The following NKAIN2 variants were observed in gnomAD, a reference collection of about 807,000 sequenced individuals.
NKAIN2 encodes the protein sodium/potassium-transporting ATPase subunit beta-1-interacting protein 2.
In NKAIN2, 14 loss-of-function variants were observed where a neutral mutation model predicts 32.6. That is an observed-to-expected ratio of 0.43 (90% confidence interval 0.28 to 0.67). NKAIN2 has a LOEUF of 0.67. Among genes scored for constraint, NKAIN2 ranks in the 30% least tolerant of loss-of-function variants. NKAIN2 has a pLI of 0.17. For synonymous variants in NKAIN2, 80 were observed against 87.2 expected (o/e 0.92, Z 0.46); for missense variants, 198 against 258.3 (o/e 0.77, Z 1.60).
chr6:124,354,692 A>G (rs1011771940), intron 2 of NKAIN2, among the ~76,000 whole-genome samples: 8 of 152,154 alleles, frequency 5.3e-5, no homozygotes, highest in Non-Finnish European at 1.0e-4. Context: ...TATCAGACAT[A>G]TATGTTAGAG....
At chr6:124,693,944 A>G (rs962148706) in intron 4 of NKAIN2, among the ~76,000 whole-genome samples, 1 of 152,206 alleles carries the variant, frequency 6.6e-6, no homozygotes, top group African/African-American at 2.4e-5. Context: ...ACTTGCTTGT[A>G]AACTGTAAGA....
At chr6:124,731,335 G>C (rs1776655105) in intron 4 of NKAIN2, among the ~76,000 whole-genome samples, 1 of 151,614 alleles carries the variant, frequency 6.6e-6, no homozygotes, top group African/African-American at 2.4e-5. Flanking sequence ...TGATAGACTG[G>C]ATTAAGAAAA....
intron 4 of NKAIN2, among the ~76,000 whole-genome samples, chr6:124,713,343 C>T (rs981066121): frequency 1.3e-5 from 2 of 152,074 alleles, no homozygotes; most frequent in Non-Finnish European, 2.9e-5. Context: ...CCTAAGAAAG[C>T]CTGTAAGAAT....
At chr6:124,413,718 T>A (rs1405204437) in intron 3 of NKAIN2, among the ~76,000 whole-genome samples, 1 of 152,164 alleles carries the variant, frequency 6.6e-6, no homozygotes. Context: ...CATCTTCAAT[T>A]TTTCTCAGCA....
chr6:124,238,096 A>G (rs1792872909), intron 1 of NKAIN2, among the ~76,000 whole-genome samples: 1 of 152,086 alleles, frequency 6.6e-6, no homozygotes, highest in South Asian at 2.1e-4. Flanking sequence ...GAGTAGGGAA[A>G]AAAGGGTTGG....
At chr6:124,062,522 A>G (rs1782963031) in intron 1 of NKAIN2, among the ~76,000 whole-genome samples, 1 of 152,126 alleles carries the variant, frequency 6.6e-6, no homozygotes. Context: ...TTGACCTCCC[A>G]GGCTCAGGTG....
chr6:124,263,109 C>T (rs537091764), intron 1 of NKAIN2, among the ~76,000 whole-genome samples: 1 of 152,288 alleles, frequency 6.6e-6, no homozygotes, highest in Non-Finnish European at 1.5e-5. Flanking sequence ...AGTGTTTACA[C>T]TCATTTTATA....
chr6:124,810,196 C>T (rs570926955), intron 5 of NKAIN2, among the ~76,000 whole-genome samples: 100 of 151,868 alleles, frequency 6.6e-4, no homozygotes, highest in African/African-American at 2.0e-3. Context: ...ATGTTTATTG[C>T]GGCACTATTC....
At chr6:124,707,559 T>A (rs1389525513) in intron 4 of NKAIN2, among the ~76,000 whole-genome samples, 1 of 130,344 alleles carries the variant, frequency 7.7e-6, no homozygotes, top group Non-Finnish European at 1.6e-5. Flanking sequence ...GCTATCTCAT[T>A]GTGGTTTTGA....
intron 3 of NKAIN2, among the ~76,000 whole-genome samples, chr6:124,459,755 A>G (rs1776458396): frequency 6.6e-6 from 1 of 151,760 alleles, no homozygotes. Flanking sequence ...TTACTGTAAA[A>G]TTAATTCCCC....
intron 5 of NKAIN2, among the ~76,000 whole-genome samples, chr6:124,806,468 TA>T (rs1308935769): frequency 6.6e-6 from 1 of 151,638 alleles, no homozygotes; most frequent in Non-Finnish European, 1.5e-5. Flanking sequence ...CAGGCCTGCC[TA>T]AAAGAGCTCC....
At chr6:124,291,256 A>G (rs1795800094) in intron 2 of NKAIN2, among the ~76,000 whole-genome samples, 1 of 150,688 alleles carries the variant, frequency 6.6e-6, no homozygotes, top group African/African-American at 2.5e-5. Context: ...ATCTGTAAAT[A>G]ACTTTCAAAG....
chr6:124,150,045 C>T (rs1317271144), intron 1 of NKAIN2, among the ~76,000 whole-genome samples: 1 of 152,018 alleles, frequency 6.6e-6, no homozygotes, highest in Admixed American at 6.6e-5. Context: ...TAAATTCCCC[C>T]ACCCTCCCTT....
chr6:124,260,365 G>T (rs751699458), intron 1 of NKAIN2, among the ~76,000 whole-genome samples: 1 of 152,186 alleles, frequency 6.6e-6, no homozygotes, highest in African/African-American at 2.4e-5. Context: ...GGGAAGTTTG[G>T]AATGTGTGGT....
chr6:124,549,816 T>C (rs1356625913), intron 3 of NKAIN2, among the ~76,000 whole-genome samples: 1 of 152,234 alleles, frequency 6.6e-6, no homozygotes, highest in Non-Finnish European at 1.5e-5. Flanking sequence ...ACAGAAGCTA[T>C]GTACCCTACC....
At chr6:124,430,164 C>A (rs1775153884) in intron 3 of NKAIN2, among the ~76,000 whole-genome samples, 1 of 152,024 alleles carries the variant, frequency 6.6e-6, no homozygotes, top group Non-Finnish European at 1.5e-5. Flanking sequence ...AGGAAATTTA[C>A]AATATAGAGA....
chr6:124,618,275 C>G (rs1303692247), intron 3 of NKAIN2, among the ~76,000 whole-genome samples: 2 of 152,048 alleles, frequency 1.3e-5, no homozygotes, highest in East Asian at 3.9e-4. Context: ...GTCAGGAGTT[C>G]AAGACCAGCC....
chr6:123,804,147 G>T lies in NKAIN2; in HGVS notation c.-54G>T. The T allele has an allele frequency of 3.3e-6, 5 of 1,523,120 alleles. No homozygotes were observed. The South Asian group carries it at 4.5e-5, about 14-fold the overall frequency. The allele number at this position is 1,523,120 out of a possible 1,614,324, so 94.4% of individuals were successfully genotyped here. On this transcript the variant is annotated 5_prime_UTR_variant, in exon 1 of 7. Transcript: ENST00000368417. ...CGCGATCTGATTGGATAAAGTGGGG[G>T]CTCGACGGTGGCCGACGTGGGACAG...
chr6:124,016,596 T>C (rs1432904587), intron 1 of NKAIN2, among the ~76,000 whole-genome samples: 1 of 152,186 alleles, frequency 6.6e-6, no homozygotes, highest in Non-Finnish European at 1.5e-5. Flanking sequence ...CCTACTACTC[T>C]GGACCACAGG....
Sources: gnomAD v4.1 joint callset for allele counts (sites outside exome capture counted in the v4.1 genomes callset) on GRCh38, gnomAD v4.1.1 for gene constraint, MANE v1.5 for transcripts, NCBI Gene and HGNC (gene_info 2026-07-23, HGNC 2026-07-21) for gene names.